NRG1: variants seen among roughly 807,000 people sequenced by gnomAD.
NRG1 encodes the protein pro-neuregulin-1, membrane-bound isoform.
NRG1 carries 18 observed loss-of-function variants against 63.8 expected under a neutral mutation model. That is an observed-to-expected ratio of 0.28 (90% CI 0.19 to 0.42). NRG1 has a LOEUF of 0.42. Ranked by LOEUF, NRG1 falls within the 10% of genes least tolerant of loss-of-function variation. The pLI is 1.00. For synonymous variants in NRG1, 302 were observed against 301.3 expected, an observed-to-expected ratio of 1.00 and a Z score of -0.02; for missense variants, 762 against 814.7, an observed-to-expected ratio of 0.94 and a Z score of 0.79.
intron 5 of NRG1, among the ~76,000 whole-genome samples, chr8:32,669,559 G>T (rs1464591653): frequency 6.6e-6 from 1 of 152,196 alleles, no homozygotes; most frequent in Non-Finnish European, 1.5e-5. Flanking sequence ...AGTAAAGTAA[G>T]ATTGGAGCCT....
intron 1 of NRG1, among the ~76,000 whole-genome samples, chr8:31,910,123 C>T (rs1832821286): frequency 6.6e-6 from 1 of 152,188 alleles, no homozygotes; most frequent in East Asian, 1.9e-4. Flanking sequence ...AAGATCTTCA[C>T]TCTGGGGAAA....
intron 1 of NRG1, among the ~76,000 whole-genome samples, chr8:32,526,269 A>C (rs1830830842): frequency 6.6e-6 from 1 of 152,192 alleles, no homozygotes; most frequent in Non-Finnish European, 1.5e-5. Flanking sequence ...GAGCTGATGA[A>C]CTGACAGTCT....
chr8:32,747,178 A>G (rs1827605862), intron 7 of NRG1, among the ~76,000 whole-genome samples: 1 of 152,156 alleles, frequency 6.6e-6, no homozygotes, highest in South Asian at 2.1e-4. Flanking sequence ...TTTATTGAAG[A>G]CTTAACCAAG....
intron 1 of NRG1, among the ~76,000 whole-genome samples, chr8:32,129,596 A>C (rs1310930174): frequency 2.0e-5 from 3 of 151,946 alleles, no homozygotes; most frequent in African/African-American, 7.2e-5. Context: ...ATTCACAGAT[A>C]CTGGAGGTTA....
chr8:32,046,427 C>T (rs572978961), intron 1 of NRG1, among the ~76,000 whole-genome samples: 6 of 152,026 alleles, frequency 3.9e-5, no homozygotes, highest in African/African-American at 1.4e-4. Flanking sequence ...ATCATATGAC[C>T]CATACATGCC....
chr8:32,103,791 G>A (rs888140005), intron 1 of NRG1, among the ~76,000 whole-genome samples: 6 of 152,210 alleles, frequency 3.9e-5, no homozygotes, highest in African/African-American at 1.2e-4. Context: ...GAGATGCACC[G>A]AGGCTGCTGC....
chr8:32,605,020 C>T (rs1348779194), intron 2 of NRG1, among the ~76,000 whole-genome samples: 2 of 152,120 alleles, frequency 1.3e-5, no homozygotes, highest in Non-Finnish European at 2.9e-5. Flanking sequence ...AAGAAAAATT[C>T]CCTTCCTTTT....
At chr8:32,243,434 GAA>G (rs35033032) in intron 1 of NRG1, among the ~76,000 whole-genome samples, 3,425 of 133,428 alleles carry the variant, frequency 0.026, 114 homozygotes, top group African/African-American at 0.075. Flanking sequence ...TGTCTCAAAA[GAA>G]AAAAAAAAAA....
At chr8:31,743,907 CT>C (rs1815579391) in intron 1 of NRG1, among the ~76,000 whole-genome samples, 2 of 151,904 alleles carry the variant, frequency 1.3e-5, no homozygotes, top group Admixed American at 1.3e-4. Flanking sequence ...GAAAAAAAAG[CT>C]TTGTTTTGAA....
chr8:31,758,929 A>G (rs1281106941), intron 1 of NRG1, among the ~76,000 whole-genome samples: 1 of 152,046 alleles, frequency 6.6e-6, no homozygotes, highest in Admixed American at 6.6e-5. Context: ...CTTTAATGTC[A>G]TTTACCTTTT....
intron 1 of NRG1, among the ~76,000 whole-genome samples, chr8:32,267,839 C>G (rs1310576236): frequency 6.6e-6 from 1 of 152,122 alleles, no homozygotes; most frequent in African/African-American, 2.4e-5. Flanking sequence ...CGTGCATTTT[C>G]CCATGGAATT....
chr8:31,814,572 A>G (rs1231984768), intron 1 of NRG1, among the ~76,000 whole-genome samples: 1 of 151,886 alleles, frequency 6.6e-6, no homozygotes, highest in Admixed American at 6.6e-5. Flanking sequence ...AAACATTGTG[A>G]TTGTTCACTG....
At chr8:31,956,047 A>AC (rs1381764759) in intron 1 of NRG1, among the ~76,000 whole-genome samples, 4 of 148,844 alleles carry the variant, frequency 2.7e-5, no homozygotes, top group Non-Finnish European at 5.9e-5. Flanking sequence ...TCTCAAAAAA[A>AC]AAAAAACAAA....
At chr8:32,477,138 C>T (rs1824624399) in intron 1 of NRG1, among the ~76,000 whole-genome samples, 1 of 152,148 alleles carries the variant, frequency 6.6e-6, no homozygotes, top group Non-Finnish European at 1.5e-5. Context: ...AGCAACAAGT[C>T]TGATCGTCTC....
At chr8:31,922,678 A>G (rs993734557) in intron 1 of NRG1, among the ~76,000 whole-genome samples, 9 of 152,178 alleles carry the variant, frequency 5.9e-5, no homozygotes, top group African/African-American at 1.9e-4. Flanking sequence ...ATGAAGGACC[A>G]GGTAGGAATG....
intron 1 of NRG1, among the ~76,000 whole-genome samples, chr8:32,044,936 C>T (rs1464825634): frequency 1.7e-5 from 1 of 58,710 alleles, no homozygotes; most frequent in African/African-American, 5.0e-5. Context: ...AAAAAACACA[C>T]ACACACAAAG....
At chr8:32,344,259 A>AACTCAGT (rs891572800) in intron 1 of NRG1, among the ~76,000 whole-genome samples, 4 of 151,980 alleles carry the variant, frequency 2.6e-5, no homozygotes, top group African/African-American at 9.7e-5. Flanking sequence ...ATCTTGGGTC[A>AACTCAGT]ACTCAGTTCC....
At chr8:31,813,519 T>TTCTTTTCTTTTCTTTTCTTTTC (rs778228643) in intron 1 of NRG1, among the ~76,000 whole-genome samples, 52 of 116,126 alleles carry the variant, frequency 4.5e-4, no homozygotes, top group South Asian at 3.6e-3. Context: ...TTCTTTTCTT[T>TTCTTTTCTTTTCTTTTCTTTTC]TTTTTTTTTT....
At chr8:31,991,807 A>AT (rs1424965062) in intron 1 of NRG1, among the ~76,000 whole-genome samples, 1 of 150,044 alleles carries the variant, frequency 6.7e-6, no homozygotes, top group African/African-American at 2.5e-5. Context: ...TCTTTCTTTC[A>AT]TTTTTTTCCC....
Sources: gnomAD v4.1 joint callset for allele counts (sites outside exome capture counted in the v4.1 genomes callset) on GRCh38, gnomAD v4.1.1 for gene constraint, MANE v1.5 for transcripts, NCBI Gene and HGNC (gene_info 2026-07-23, HGNC 2026-07-21) for gene names.